PFDN1: variants seen among roughly 807,000 people sequenced by gnomAD.
PFDN1 encodes the protein prefoldin subunit 1.
A neutral mutation model predicts 17.3 loss-of-function variants in PFDN1; 6 were observed. That is an observed-to-expected ratio of 0.35 (90% CI 0.19 to 0.69). The LOEUF (loss-of-function observed/expected upper bound fraction) is 0.69, where lower values mean the gene tolerates loss of function less well. PFDN1 is among the 30% of genes least tolerant of loss of function. The probability of loss-of-function intolerance (pLI) is 0.65; values close to 1 mark genes in which losing one functional copy is unlikely to be tolerated. For missense variants in PFDN1, 113 were observed against 146.2 expected, an observed-to-expected ratio of 0.77 and a Z score of 1.17; for synonymous variants, 58 against 50.1, an observed-to-expected ratio of 1.16 and a Z score of -0.67.
At chr5:140,281,669 G>A (rs1310980818) in intron 2 of PFDN1, 136 bp from the exon 3 acceptor site, 2 of 622,440 alleles carry the variant, frequency 3.2e-6, no homozygotes, top group East Asian at 2.9e-5. Flanking sequence ...TCAAGCTCAG[G>A]AAACCACCAG....
intron 3 of PFDN1, among the ~76,000 whole-genome samples, chr5:140,279,126 A>C (rs1765349458): frequency 6.6e-6 from 1 of 152,242 alleles, no homozygotes; most frequent in African/African-American, 2.4e-5. Context: ...TTTTAAAAAA[A>C]GGTTGTGTAT....
At chr5:140,262,288 C>T (rs1765075957) in intron 3 of PFDN1, among the ~76,000 whole-genome samples, 1 of 152,154 alleles carries the variant, frequency 6.6e-6, no homozygotes, top group Non-Finnish European at 1.5e-5. Flanking sequence ...CCAACTACAG[C>T]ATAAGGAATC....
At chr5:140,253,607 C>G (rs1007191487) in intron 3 of PFDN1, among the ~76,000 whole-genome samples, 14 of 152,110 alleles carry the variant, frequency 9.2e-5, no homozygotes, top group African/African-American at 3.1e-4. Context: ...GAGCCAGGAG[C>G]GGCAACTGTC....
intron 2 of PFDN1, among the ~76,000 whole-genome samples, chr5:140,292,346 T>C (rs1182506942): frequency 6.6e-6 from 1 of 152,188 alleles, no homozygotes; most frequent in East Asian, 1.9e-4. Context: ...AAAAGCAGAA[T>C]GTCATAGAGA....
intron 3 of PFDN1, among the ~76,000 whole-genome samples, chr5:140,260,805 A>G (rs1415241565): frequency 6.1e-5 from 9 of 147,982 alleles, no homozygotes; most frequent in African/African-American, 2.2e-4. Context: ...TGTGAATTTT[A>G]CCTCACTTTA....
chr5:140,267,113 C>T (rs546180984), intron 3 of PFDN1, among the ~76,000 whole-genome samples: 4 of 152,252 alleles, frequency 2.6e-5, no homozygotes, highest in African/African-American at 9.6e-5. Flanking sequence ...ACACATGCTG[C>T]GGTGTAGGTT....
chr5:140,280,014 CAAAAAAAGAA>C (rs1273567435), intron 3 of PFDN1, among the ~76,000 whole-genome samples: 2 of 99,112 alleles, frequency 2.0e-5, no homozygotes, highest in African/African-American at 5.0e-5. Context: ...AAAAAAAAAA[CAAAAAAAGAA>C]AAGAAAAGAA....
At chr5:140,287,366 G>A (rs1431034402) in intron 2 of PFDN1, among the ~76,000 whole-genome samples, 1 of 152,218 alleles carries the variant, frequency 6.6e-6, no homozygotes, top group Non-Finnish European at 1.5e-5. Flanking sequence ...AGAAACAACT[G>A]TAGATATGTA....
chr5:140,248,881 T>C (rs954715641), intron 3 of PFDN1, among the ~76,000 whole-genome samples: 1 of 152,266 alleles, frequency 6.6e-6, no homozygotes, highest in Non-Finnish European at 1.5e-5. Flanking sequence ...GGTCTTGTTA[T>C]ATTGCCCAGG....
chr5:140,285,969 T>C (rs1488799693), intron 2 of PFDN1, among the ~76,000 whole-genome samples: 1 of 151,944 alleles, frequency 6.6e-6, no homozygotes, highest in East Asian at 1.9e-4. Flanking sequence ...CAATGCCCCA[T>C]GTCTAAAAAA....
In PFDN1 at chr5:140,300,576, T is replaced by C; in HGVS notation, c.40A>G (p.Thr14Ala). Residue 14 changes from threonine (T) to alanine (A), a missense_variant, in exon 2 of 4, where the codon ACA becomes GCA. Thr to Ala is a moderately conservative substitution (Grantham distance 58). Transcript: ENST00000261813. ...TCAATAACTTTGGCTTGAAGCTCTG[T>C]GAAGGCCTAATAAAAACAAGTCCAT... ...PVDLELKKAF[T>A]ELQAKVIDTQ... 1 of 1,601,852 alleles carries C rather than the reference T, an allele frequency of 6.2e-7. No homozygotes were observed. Among genetic ancestry groups the C allele is most frequent in the Non-Finnish European group, 8.5e-7 (1 of 1,173,938 alleles).
At chr5:140,279,995 C>CAAAAAAAAAAAAAAAAA (rs772575762) in intron 3 of PFDN1, among the ~76,000 whole-genome samples, 14 of 31,246 alleles carry the variant, frequency 4.5e-4, no homozygotes, top group South Asian at 1.7e-3. Flanking sequence ...AACTCCGTCT[C>CAAAAAAAAAAAAAAAAA]AAAAAAAAAA....
chr5:140,291,682 A>G (rs1765584892), intron 2 of PFDN1, among the ~76,000 whole-genome samples: 1 of 152,184 alleles, frequency 6.6e-6, no homozygotes, highest in Non-Finnish European at 1.5e-5. Flanking sequence ...AAAAAAAGAA[A>G]AAAAAAATCC....
At position 140,294,807 on chromosome 5, in the gene PFDN1, C is replaced by G. The variant is rs180913906; in HGVS notation, c.200+5609G>C. Among the ~76,000 whole-genome samples the G allele has an allele frequency of 2.6e-5, 4 of 151,978 alleles. No individual in the cohort carries two copies. The East Asian group carries it at 7.7e-4, about 29-fold the overall frequency. On this transcript the variant is annotated intron_variant, in intron 2 of 3. Coordinates refer to ENST00000261813, the MANE Select transcript of PFDN1 (RefSeq NM_002622.5). ...GATCTTTCAACCGTTAGAGATCAACCATTAAATTACTTCAACAAGTAGAAA... is the reference window on the plus strand; with the variant it reads ...GATCTTTCAACCGTTAGAGATCAACGATTAAATTACTTCAACAAGTAGAAA...
In PFDN1 at chr5:140,264,546, C is replaced by T. The variant is rs527335940; in HGVS notation, c.285+16903G>A. ...AGCTTTTCTTAGTATATATTTGAAT[C>T]TCACAGAGGGGACTAGGCATGGTGG... On this transcript the variant is annotated intron_variant, in intron 3 of 3. Transcript: ENST00000261813. Among the ~76,000 whole-genome samples, 26 of 152,204 alleles carry T rather than the reference C, an allele frequency of 1.7e-4. No individual in the cohort carries two copies. The South Asian group carries it at 5.0e-3, about 29-fold the overall frequency.
chr5:140,299,872 C>T (rs968085380), intron 2 of PFDN1, among the ~76,000 whole-genome samples: 3 of 151,650 alleles, frequency 2.0e-5, no homozygotes, highest in Admixed American at 6.6e-5. Context: ...ATTAGCAGGG[C>T]GTGGTGGCAA....
At chr5:140,273,911 A>G in intron 3 of PFDN1, 1 of 984,826 alleles carries the variant, frequency 1.0e-6, no homozygotes, top group Non-Finnish European at 1.2e-6. Context: ...GGCTGACTTT[A>G]GGTTGAAGCA....
rs554261670 is a variant in PFDN1, at chr5:140,267,169, G to T, written c.285+14280C>A. On this transcript the variant is annotated intron_variant, in intron 3 of 3. Transcript: ENST00000261813. Reference sequence around the variant, plus strand: ...TGGAATCACACATGCTGCGGTGTGGGTTACAGTTAAATGCAGGTGCACTGG... The same window carrying T: ...TGGAATCACACATGCTGCGGTGTGGTTTACAGTTAAATGCAGGTGCACTGG... Among the ~76,000 whole-genome samples, 4 of 152,344 alleles carry T rather than the reference G, an allele frequency of 2.6e-5. No individual in the cohort carries two copies. In the South Asian group the frequency reaches 8.3e-4, roughly 32 times the overall value.
chr5:140,247,392 G>C (rs1042110313), intron 3 of PFDN1, among the ~76,000 whole-genome samples: 1 of 151,154 alleles, frequency 6.6e-6, no homozygotes, highest in African/African-American at 2.4e-5. Flanking sequence ...CTCCCTCCTC[G>C]GTCTCCCAAA....
Sources: allele counts gnomAD v4.1 joint callset (sites outside exome capture counted in the v4.1 genomes callset), GRCh38; gene constraint gnomAD v4.1.1; transcripts MANE v1.5; gene names NCBI Gene and HGNC (gene_info 2026-07-23, HGNC 2026-07-21).